Variants in DDX47 observed in about 807,000 individuals in gnomAD.
The protein encoded by DDX47 is DEAD-box helicase 47, also known as probable ATP-dependent RNA helicase DDX47.
In DDX47, 60 loss-of-function variants were observed where a neutral mutation model predicts 58.8. The ratio of observed to expected loss-of-function variants is 1.02; its 90% confidence interval spans 0.83 to 1.26. The LOEUF (loss-of-function observed/expected upper bound fraction) is 1.26, where lower values mean the gene tolerates loss of function less well. Among genes scored for constraint, DDX47 ranks in the 50% most tolerant of loss-of-function variants. DDX47 has a pLI of 0.00. For synonymous variants in DDX47, 197 were observed against 204.6 expected (o/e 0.96, Z 0.32); for missense variants, 530 against 573.2 (o/e 0.92, Z 0.77).
At chr12:12,814,483 C>A in intron 2 of DDX47, 1 of 384,414 alleles carries the variant, frequency 2.6e-6, no homozygotes, top group Non-Finnish European at 4.9e-6. Flanking sequence ...ATATTAACGA[C>A]AATCTTGGTA....
intron 11 of DDX47, among the ~76,000 whole-genome samples, chr12:12,829,115 T>C (rs1315679904): frequency 4.6e-5 from 7 of 152,222 alleles, no homozygotes; most frequent in African/African-American, 1.7e-4. Flanking sequence ...CAAGAAAAGC[T>C]ATAGCAGATT....
intron 8 of DDX47, 152 bp from the exon 9 acceptor site, chr12:12,824,388 A>G (rs1863019903): frequency 1.4e-6 from 1 of 718,654 alleles, no homozygotes; most frequent in African/African-American, 1.8e-5. Context: ...TTGCTTCCAT[A>G]TTTCTGTTTT....
At chr12:12,826,295 A>G (rs1387699360) in intron 10 of DDX47, 2 of 358,484 alleles carry the variant, frequency 5.6e-6, no homozygotes, top group East Asian at 4.5e-5. Context: ...GGCATGTAGA[A>G]TGGTACCTAG....
intron 3 of DDX47, 113 bp downstream of exon 3, chr12:12,821,509 TA>T: frequency 2.1e-6 from 3 of 1,436,814 alleles, no homozygotes; most frequent in Non-Finnish European, 2.9e-6. Context: ...CCTAAAGAGC[TA>T]ATGTTGTATT....
At chr12:12,823,488 C>A in intron 7 of DDX47, 169 bp downstream of exon 7, 2 of 600,704 alleles carry the variant, frequency 3.3e-6, no homozygotes, top group East Asian at 2.8e-5. Flanking sequence ...CCAGACATGC[C>A]AGGAATTCAC....
intron 10 of DDX47, among the ~76,000 whole-genome samples, chr12:12,826,690 T>C (rs896639676): frequency 6.6e-6 from 1 of 152,180 alleles, no homozygotes; most frequent in African/African-American, 2.4e-5. Flanking sequence ...GCTCAAGCGA[T>C]CCACCTGCCT....
intron 7 of DDX47, 82 bp downstream of exon 7, chr12:12,823,401 G>A (rs181895948): frequency 1.2e-6 from 1 of 855,694 alleles, no homozygotes; most frequent in Non-Finnish European, 2.0e-6. Flanking sequence ...TCTTGATTAG[G>A]TAAGAGCTGT....
Position 12,813,388 on chromosome 12 carries a change from C to G in DDX47, c.21C>G (p.His7Gln). 2 of 1,613,476 alleles carry G rather than the reference C, an allele frequency of 1.2e-6. No homozygotes were observed. The highest frequency in any genetic ancestry group is 1.7e-6 in the Non-Finnish European group (2 of 1,179,728). Residue 7 changes from histidine to glutamine, a missense_variant, in exon 1 of 12, where the codon CAC becomes CAG. Transcript: ENST00000358007. The part of the protein sequence containing the change: MAAPEE[H>Q]DSPTEASQPI... ...ACAAGATGGCGGCACCCGAGGAACACGATTCTCCGACCGAAGCGTCCCAGC... is the reference window on the plus strand; with the variant it reads ...ACAAGATGGCGGCACCCGAGGAACAGGATTCTCCGACCGAAGCGTCCCAGC...
Position 12,816,130 on chromosome 12 carries a change from C to T in DDX47, c.181+1906C>T, listed in dbSNP as rs146568430. On this transcript the variant is annotated intron_variant, in intron 2 of 11. Coordinates refer to ENST00000358007, the MANE Select transcript of DDX47 (RefSeq NM_016355.4). Reference sequence around the variant, plus strand: ...GTGTACCACTGATACAAAAAAGGAACGGGGGAAAAATGCAGGAAAGATGAG... The same window carrying T: ...GTGTACCACTGATACAAAAAAGGAATGGGGGAAAAATGCAGGAAAGATGAG... Among the ~76,000 whole-genome samples the T allele has an allele frequency of 5.0e-3, 754 of 151,864 alleles. 2 individuals are homozygous for T. Among genetic ancestry groups the T allele is most frequent in the South Asian group, 0.019 (90 of 4,806 alleles).
intron 8 of DDX47, 40 bp downstream of exon 8, chr12:12,824,056 G>A (rs376623390): frequency 5.3e-5 from 84 of 1,596,704 alleles, no homozygotes; most frequent in Non-Finnish European, 6.0e-5. Context: ...CACTGGTGGC[G>A]TGAGCGAGAT....
chr12:12,813,912 A>T (rs542437317), intron 1 of DDX47, among the ~76,000 whole-genome samples: 34 of 152,352 alleles, frequency 2.2e-4, no homozygotes, highest in Admixed American at 7.8e-4. Flanking sequence ...GAGATGATAC[A>T]TGTAAAGCAC....
At chr12:12,823,449 C>T (rs974862631) in intron 7 of DDX47, 130 bp downstream of exon 7, 9 of 674,912 alleles carry the variant, frequency 1.3e-5, no homozygotes, top group South Asian at 3.5e-5. Flanking sequence ...CTTTAGAGTG[C>T]ATATCGTGCT....
chr12:12,826,140 A>G (rs1015812263), intron 10 of DDX47, 70 bp downstream of exon 10: 36 of 1,259,988 alleles, frequency 2.9e-5, no homozygotes, highest in Admixed American at 4.1e-5. Flanking sequence ...CTGGCTGAGA[A>G]CCTGACACTA....
chr12:12,814,338 A>G, intron 2 of DDX47, 114 bp downstream of exon 2: 1 of 726,044 alleles, frequency 1.4e-6, no homozygotes, highest in Non-Finnish European at 2.5e-6. Context: ...CACTAAAGGT[A>G]CAAAGTTTGG....
chr12:12,818,679 A>T (rs979185073), intron 2 of DDX47, among the ~76,000 whole-genome samples: 8 of 152,244 alleles, frequency 5.3e-5, no homozygotes, highest in African/African-American at 1.9e-4. Flanking sequence ...CTGCTGATAC[A>T]GACACACCCG....
Position 12,826,045 on chromosome 12 carries a change from G to A in DDX47, c.1081G>A (p.Gly361Arg), listed in dbSNP as rs1179019276. ...VGRTARAGRS[G>R]KAITFVTQYD... ...TCGAACAGCTAGAGCTGGGCGCTCCGGAAAGGCTATTACTTTTGTCACACA... is the reference window on the plus strand; with the variant it reads ...TCGAACAGCTAGAGCTGGGCGCTCCAGAAAGGCTATTACTTTTGTCACACA... Residue 361 changes from glycine to arginine, a missense_variant, in exon 10 of 12, where the codon GGA (glycine) becomes AGA (arginine). Physicochemically the swap from Gly to Arg is moderately radical, Grantham distance 125. Transcript: ENST00000358007. The A allele has an allele frequency of 3.1e-6, 5 of 1,613,568 alleles. No individual in the cohort carries two copies. Among genetic ancestry groups the A allele is most frequent in the African/African-American group, 1.3e-5 (1 of 75,010 alleles).
chr12:12,823,686 G>A (rs1006489595), intron 7 of DDX47, 184 bp from the exon 8 acceptor site: 10 of 624,946 alleles, frequency 1.6e-5, no homozygotes, highest in Non-Finnish European at 2.5e-5. Flanking sequence ...CTGCCTTAAG[G>A]CTAAGTGGGG....
chr12:12,825,867 G>A (rs956909151), intron 9 of DDX47, 133 bp from the exon 10 acceptor site: 11 of 629,784 alleles, frequency 1.7e-5, no homozygotes, highest in African/African-American at 1.1e-4. Flanking sequence ...AAATTGCCCC[G>A]GCCATTTATT....
intron 1 of DDX47, 105 bp from the exon 2 acceptor site, chr12:12,814,026 A>C: frequency 1.3e-6 from 1 of 784,236 alleles, no homozygotes. Flanking sequence ...AATACCTTTT[A>C]AATCAAATAC....
Sources: allele counts gnomAD v4.1 joint callset (sites outside exome capture counted in the v4.1 genomes callset), GRCh38; gene constraint gnomAD v4.1.1; transcripts MANE v1.5; gene names NCBI Gene and HGNC (gene_info 2026-07-23, HGNC 2026-07-21).